Variants in PKN2 observed in about 807,000 individuals in gnomAD.
PKN2 encodes serine/threonine-protein kinase N2.
A neutral mutation model predicts 119.1 loss-of-function variants in PKN2; 38 were observed. The observed-to-expected ratio is 0.32, with a 90% CI of 0.25 to 0.42. The LOEUF (loss-of-function observed/expected upper bound fraction) is 0.42, where lower values mean the gene tolerates loss of function less well. Among genes scored for constraint, PKN2 ranks in the 10% least tolerant of loss-of-function variants. The pLI is 1.00. For synonymous variants in PKN2, 390 were observed against 384.9 expected, an observed-to-expected ratio of 1.01 and a Z score of -0.15; for missense variants, 850 against 1,165.1, an observed-to-expected ratio of 0.73 and a Z score of 3.94.
chr1:88,737,361 C>CCAT (rs1162525763), intron 1 of PKN2, among the ~76,000 whole-genome samples: 3 of 152,088 alleles, frequency 2.0e-5, no homozygotes, highest in Non-Finnish European at 4.4e-5. Flanking sequence ...GATCAGTGGG[C>CCAT]CATCAGATTT....
At chr1:88,830,439 C>A (rs1672683810) in intron 19 of PKN2, among the ~76,000 whole-genome samples, 1 of 152,090 alleles carries the variant, frequency 6.6e-6, no homozygotes, top group South Asian at 2.1e-4. Flanking sequence ...CATACTTGAA[C>A]TCCTCCCCAC....
intron 6 of PKN2, among the ~76,000 whole-genome samples, chr1:88,777,117 C>G (rs1670139683): frequency 6.6e-6 from 1 of 152,150 alleles, no homozygotes; most frequent in Non-Finnish European, 1.5e-5. Flanking sequence ...GCTCTTAAGA[C>G]TAGACAAGTG....
At chr1:88,726,142 TA>T (rs1451013671) in intron 1 of PKN2, among the ~76,000 whole-genome samples, 1 of 152,194 alleles carries the variant, frequency 6.6e-6, no homozygotes, top group African/African-American at 2.4e-5. Flanking sequence ...TATCTGCTAA[TA>T]GGGGGAGTTT....
chr1:88,833,750 G>GA lies in PKN2; in HGVS notation c.*309dup, dbSNP rs1371635372. ...TCAATAGTCTATTTTTAAAAAGAAA[G>GA]AAAAAAACCACTTTTTTATAGTCCC... On this transcript the variant is annotated 3_prime_UTR_variant, in exon 22 of 22. Transcript: ENST00000370521. 1.5e-5 allele frequency: 4 copies of GA among 259,888 alleles called. No individual in the cohort carries two copies. The highest frequency in any genetic ancestry group is 8.4e-5 in the East Asian group (1 of 11,902). The allele number at this position is 259,888 out of a possible 1,614,324, so 16.1% of individuals were successfully genotyped here.
chr1:88,725,725 A>G (rs1212634716), intron 1 of PKN2, among the ~76,000 whole-genome samples: 2 of 152,190 alleles, frequency 1.3e-5, no homozygotes, highest in African/African-American at 4.8e-5. Flanking sequence ...TTACATTTTG[A>G]TAAGTCCAAT....
intron 1 of PKN2, among the ~76,000 whole-genome samples, chr1:88,699,345 A>G (rs1666674158): frequency 6.6e-6 from 1 of 152,138 alleles, no homozygotes. Flanking sequence ...TTTTAATTAT[A>G]TAAGTATCTT....
rs1570536266 is a variant in PKN2, at chr1:88,724,829, C to G, written c.49-16159C>G. On this transcript the variant is annotated intron_variant, in intron 1 of 21. Coordinates refer to ENST00000370521, the MANE Select transcript of PKN2 (RefSeq NM_006256.4). The stretch of plus-strand genomic sequence containing the variant: ...CCTTGTGATCTGCCTGCCTTGGCCT[C>G]CCAAAGTGTTGGGATTACAGGTGTG... Among the ~76,000 whole-genome samples the G allele has an allele frequency of 2.0e-5, 3 of 151,124 alleles. No individual in the cohort carries two copies. In the South Asian group the frequency reaches 6.3e-4, roughly 32 times the overall value.
At chr1:88,765,085 C>G (rs1004654327) in intron 3 of PKN2, among the ~76,000 whole-genome samples, 1 of 147,678 alleles carries the variant, frequency 6.8e-6, no homozygotes, top group African/African-American at 2.7e-5. Context: ...CACCACTATG[C>G]CTGGCTACTT....
In PKN2 at chr1:88,687,758, A is replaced by G. The variant is rs187279317; in HGVS notation, c.48+3130A>G. ...TTAAATTACAGGGGTTAATTTCACC[A>G]AACAGTTATGTAGTATCTACCAAAG... On this transcript the variant is annotated intron_variant, in intron 1 of 21. Coordinates refer to ENST00000370521, the MANE Select transcript of PKN2 (RefSeq NM_006256.4). 1.1e-4 allele frequency among the ~76,000 whole-genome samples: 14 copies of G among 131,166 alleles called. No individual in the cohort carries two copies. The East Asian group carries it at 2.7e-3, about 25-fold the overall frequency. 86.0% of individuals were successfully genotyped at this position (131,166 alleles called of 152,430 possible).
intron 1 of PKN2, among the ~76,000 whole-genome samples, chr1:88,699,780 A>T (rs1368907758): frequency 1.1e-4 from 16 of 150,554 alleles, no homozygotes; most frequent in Non-Finnish European, 2.1e-4. Flanking sequence ...TTTTTTTTTA[A>T]TTTTTTTATT....
intron 16 of PKN2, among the ~76,000 whole-genome samples, chr1:88,817,122 C>A (rs1672026116): frequency 6.6e-6 from 1 of 152,116 alleles, no homozygotes; most frequent in Non-Finnish European, 1.5e-5. Context: ...GCCAATATCC[C>A]TGATGAACAT....
intron 1 of PKN2, among the ~76,000 whole-genome samples, chr1:88,720,311 C>T (rs78654215): frequency 0.017 from 2,513 of 152,180 alleles, 45 homozygotes; most frequent in South Asian, 0.067. Context: ...TGAGCCACCG[C>T]GCCTGACCAA....
At chr1:88,779,857 A>G (rs1670262747) in intron 6 of PKN2, among the ~76,000 whole-genome samples, 1 of 152,224 alleles carries the variant, frequency 6.6e-6, no homozygotes, top group African/African-American at 2.4e-5. Context: ...GCAGTTCACA[A>G]ATTGAGTGCT....
chr1:88,829,328 AC>A, intron 19 of PKN2: 1 of 558,804 alleles, frequency 1.8e-6, no homozygotes, highest in Non-Finnish European at 3.4e-6. Flanking sequence ...AGTATTCGCT[AC>A]ACCAACAGCT....
rs555704719 is a variant in PKN2 at position 88,799,013 on chromosome 1, A to G, written c.1282-5378A>G. Reference sequence around the variant, plus strand: ...TAACAATATAGGTTTGAGTTGGAGAATAAGATATAAGATTAGAAATAGAAG... The same window carrying G: ...TAACAATATAGGTTTGAGTTGGAGAGTAAGATATAAGATTAGAAATAGAAG... On this transcript the variant is annotated intron_variant, in intron 8 of 21. Coordinates refer to ENST00000370521, the MANE Select transcript of PKN2 (RefSeq NM_006256.4). Among the ~76,000 whole-genome samples the G allele has an allele frequency of 9.9e-4, 151 of 151,920 alleles. 1 individual carries two copies. The South Asian group carries it at 0.01, about 10-fold the overall frequency.
intron 1 of PKN2, among the ~76,000 whole-genome samples, chr1:88,709,247 G>A (rs1156248679): frequency 6.6e-6 from 1 of 151,930 alleles, no homozygotes; most frequent in Admixed American, 6.6e-5. Context: ...TAGAGATGGG[G>A]TTTCACCATG....
At chr1:88,723,816 A>G (rs1667790310) in intron 1 of PKN2, among the ~76,000 whole-genome samples, 1 of 152,338 alleles carries the variant, frequency 6.6e-6, no homozygotes, top group Non-Finnish European at 1.5e-5. Flanking sequence ...TCTAAAAGGC[A>G]TGTATTTGTC....
intron 1 of PKN2, among the ~76,000 whole-genome samples, chr1:88,731,778 T>G (rs1043815020): frequency 9.9e-5 from 15 of 152,264 alleles, no homozygotes; most frequent in Admixed American, 9.8e-4. Context: ...CAGTGAGGAG[T>G]AAACATCCTC....
intron 10 of PKN2, 143 bp from the exon 11 acceptor site, chr1:88,805,354 T>C (rs897705500): frequency 3.8e-5 from 24 of 636,058 alleles, no homozygotes; most frequent in Non-Finnish European, 5.5e-5. Context: ...TACTAGCAAA[T>C]AGTAAAAAAC....
Sources: allele counts gnomAD v4.1 joint callset (sites outside exome capture counted in the v4.1 genomes callset), GRCh38; gene constraint gnomAD v4.1.1; transcripts MANE v1.5; gene names NCBI Gene and HGNC (gene_info 2026-07-23, HGNC 2026-07-21).